CHSY3: variants seen among roughly 807,000 people sequenced by gnomAD.
CHSY3 encodes the protein N-acetylgalactosaminyl-proteoglycan 3-beta-glucuronosyltransferase 3.
CHSY3 carries 35 observed loss-of-function variants against 67.2 expected under a neutral mutation model. The observed-to-expected ratio is 0.52, with a 90% CI of 0.40 to 0.69. The LOEUF (loss-of-function observed/expected upper bound fraction) is 0.69. Ranked by LOEUF, CHSY3 falls within the 30% of genes least tolerant of loss-of-function variation. CHSY3 has a pLI of 0.00. For missense variants in CHSY3, 1,069 were observed against 1,138.5 expected (o/e 0.94, Z 0.88); for synonymous variants, 474 against 434.7 (o/e 1.09, Z -1.12).
intron 2 of CHSY3, among the ~76,000 whole-genome samples, chr5:129,919,677 G>A (rs902077155): frequency 6.6e-6 from 1 of 152,122 alleles, no homozygotes; most frequent in African/African-American, 2.4e-5. Context: ...TCTCCCCCGG[G>A]TCCCTTCCAC....
rs1760200368 is a variant in CHSY3 at position 129,905,077 on chromosome 5, T to C, written c.248T>C (p.Leu83Pro). The C allele has an allele frequency of 1.3e-6, 2 of 1,544,552 alleles. No individual in the cohort carries two copies. Among genetic ancestry groups the C allele is most frequent in the African/African-American group, 1.4e-5 (1 of 73,118 alleles). Residue 83 changes from leucine (L) to proline (P), a missense_variant, in exon 1 of 3, where the codon CTC becomes CCC. Coordinates refer to ENST00000305031, the MANE Select transcript of CHSY3 (RefSeq NM_175856.5). ...EQSPPPARQD[L>P]QGPPLPEAAP... ...TCGCCGCCCCCCGCGCGCCAGGATC[T>C]CCAGGGGCCACCGCTGCCCGAGGCA...
At position 129,981,070 on chromosome 5, in the gene CHSY3, AATT is replaced by A. The variant is rs1341310502; in HGVS notation, c.1086+72712_1086+72714del. On this transcript the variant is annotated intron_variant, in intron 2 of 2. Transcript: ENST00000305031. Reference sequence around the variant, plus strand: ...AAATACAAAAAAAAAAAAAAAAAAAAATTAGCCGGACGTGGTGGCGGGCGCCTG... The same window carrying A: ...AAATACAAAAAAAAAAAAAAAAAAAAAGCCGGACGTGGTGGCGGGCGCCTG... Among the ~76,000 whole-genome samples, 8 of 142,306 alleles carry A rather than the reference AATT, an allele frequency of 5.6e-5. No homozygotes were observed. In the South Asian group the frequency reaches 1.8e-3, roughly 32 times the overall value. The allele number at this position is 142,306 out of a possible 152,430, so 93.4% of individuals were successfully genotyped here. A position where few individuals can be genotyped will look rare whatever the true frequency, so the allele number is the denominator to read the frequency against.
chr5:129,985,248 C>T (rs1212680561), intron 2 of CHSY3, among the ~76,000 whole-genome samples: 1 of 152,166 alleles, frequency 6.6e-6, no homozygotes, highest in Non-Finnish European at 1.5e-5. Context: ...ATATGGCTAG[C>T]CAGTCATCCC....
rs372553323 is a variant in CHSY3 at position 129,905,429 on chromosome 5, G to C, written c.600G>C (p.Pro200=). 1 of 1,611,096 alleles carries C rather than the reference G, an allele frequency of 6.2e-7. No homozygotes were observed. Among genetic ancestry groups the C allele is most frequent in the South Asian group, 1.1e-5 (1 of 91,034 alleles). The change falls in exon 1 of 3, where the codon CCG becomes CCC. Residue 200 remains proline (P), a synonymous_variant. Coordinates refer to ENST00000305031, the MANE Select transcript of CHSY3 (RefSeq NM_175856.5). ...AGCGGACCTGGGCGCGTTTCATCCCGGGCCGCGTGGAGTTCTTTTCCAGCC... is the reference window on the plus strand; with the variant it reads ...AGCGGACCTGGGCGCGTTTCATCCCCGGCCGCGTGGAGTTCTTTTCCAGCC... ...AAQRTWARFI[P]GRVEFFSSQQ... is the part of the protein sequence containing the mutation.
chr5:129,928,613 C>T (rs1469524111), intron 2 of CHSY3, among the ~76,000 whole-genome samples: 1 of 152,036 alleles, frequency 6.6e-6, no homozygotes, highest in Non-Finnish European at 1.5e-5. Context: ...CGGTGTGGTT[C>T]TATTAATTTC....
chr5:129,966,121 T>C (rs1338241956), intron 2 of CHSY3, among the ~76,000 whole-genome samples: 1 of 151,898 alleles, frequency 6.6e-6, no homozygotes, highest in East Asian at 1.9e-4. Flanking sequence ...CTTTAAAGTA[T>C]TAGAAATACC....
chr5:129,929,991 A>C (rs559573136), intron 2 of CHSY3, among the ~76,000 whole-genome samples: 1 of 152,312 alleles, frequency 6.6e-6, no homozygotes, highest in African/African-American at 2.4e-5. Flanking sequence ...AGGACATCAG[A>C]GTATACCTGA....
In CHSY3 at chr5:130,185,722, A is replaced by G. The variant is rs751673580; in HGVS notation, c.2580A>G (p.Ser860=). The G allele has an allele frequency of 1.2e-6, 2 of 1,613,378 alleles. No individual in the cohort carries two copies. Among genetic ancestry groups the G allele is most frequent in the Admixed American group, 3.3e-5 (2 of 59,984 alleles). Residue 860 remains serine (S), a synonymous_variant, in exon 3 of 3, where the codon TCA becomes TCG. Transcript: ENST00000305031. ...GATCCAAGGCAAGTACTTTCGCCTCAACCATGCAACTGGCTGAACTCTGGC... is the reference window on the plus strand; with the variant it reads ...GATCCAAGGCAAGTACTTTCGCCTCGACCATGCAACTGGCTGAACTCTGGC... ...CLGSKASTFA[S]TMQLAELWLE...
intron 2 of CHSY3, among the ~76,000 whole-genome samples, chr5:130,093,018 G>C (rs1766931197): frequency 1.3e-5 from 2 of 152,140 alleles, no homozygotes; most frequent in Admixed American, 1.3e-4. Context: ...TCCTTAGAAA[G>C]GAACTCAGAT....
intron 2 of CHSY3, among the ~76,000 whole-genome samples, chr5:130,111,239 C>T (rs1050211414): frequency 6.6e-6 from 1 of 151,972 alleles, no homozygotes; most frequent in Non-Finnish European, 1.5e-5. Context: ...ATTAAATCCT[C>T]ACATGCCAAT....
chr5:130,085,519 GC>G (rs1766587981), intron 2 of CHSY3, among the ~76,000 whole-genome samples: 1 of 152,008 alleles, frequency 6.6e-6, no homozygotes, highest in East Asian at 1.9e-4. Flanking sequence ...TATTAGTCTT[GC>G]TAGCTGTCTG....
intron 2 of CHSY3, among the ~76,000 whole-genome samples, chr5:129,959,363 C>T (rs1235577284): frequency 6.6e-6 from 1 of 152,022 alleles, no homozygotes; most frequent in East Asian, 1.9e-4. Context: ...GATGCTTTCA[C>T]ATTTCCTATA....
At chr5:129,920,241 T>A (rs1431559458) in intron 2 of CHSY3, among the ~76,000 whole-genome samples, 1 of 152,144 alleles carries the variant, frequency 6.6e-6, no homozygotes, top group African/African-American at 2.4e-5. Context: ...TTTCTTTTTT[T>A]GTTTGTTTGC....
intron 2 of CHSY3, among the ~76,000 whole-genome samples, chr5:130,162,692 A>T (rs1406243602): frequency 6.6e-6 from 1 of 152,054 alleles, no homozygotes; most frequent in Non-Finnish European, 1.5e-5. Context: ...CTGCCACCAC[A>T]CCTGGCTCAT....
At chr5:130,104,793 G>A (rs1767362969) in intron 2 of CHSY3, among the ~76,000 whole-genome samples, 1 of 151,818 alleles carries the variant, frequency 6.6e-6, no homozygotes, top group African/African-American at 2.4e-5. Flanking sequence ...TCACTACAGA[G>A]CTAAGCATTG....
intron 2 of CHSY3, among the ~76,000 whole-genome samples, chr5:129,990,365 T>TA (rs1763325536): frequency 1.2e-5 from 1 of 85,772 alleles, no homozygotes; most frequent in South Asian, 5.9e-4. Context: ...GCTGAAGTGG[T>TA]GTGAGTGAGT....
intron 2 of CHSY3, among the ~76,000 whole-genome samples, chr5:129,963,788 T>C (rs1016022405): frequency 1.3e-5 from 2 of 151,886 alleles, no homozygotes; most frequent in Admixed American, 6.6e-5. Flanking sequence ...TCCTATATAA[T>C]GTCAGTTTTT....
chr5:129,999,257 C>T (rs1211108039), intron 2 of CHSY3, among the ~76,000 whole-genome samples: 1 of 151,754 alleles, frequency 6.6e-6, no homozygotes, highest in Admixed American at 6.6e-5. Context: ...ATACACCCAA[C>T]CTTTTGTGAA....
chr5:130,063,771 T>C (rs1765789153), intron 2 of CHSY3, among the ~76,000 whole-genome samples: 1 of 152,132 alleles, frequency 6.6e-6, no homozygotes, highest in Non-Finnish European at 1.5e-5. Context: ...CATCCTCACC[T>C]GGCAGAAGAT....
Sources: gnomAD v4.1 joint callset for allele counts (sites outside exome capture counted in the v4.1 genomes callset) on GRCh38, gnomAD v4.1.1 for gene constraint, MANE v1.5 for transcripts, NCBI Gene and HGNC (gene_info 2026-07-23, HGNC 2026-07-21) for gene names.